LIPC: variants seen among roughly 807,000 people sequenced by gnomAD.
LIPC encodes hepatic triacylglycerol lipase.
A neutral mutation model predicts 50.7 loss-of-function variants in LIPC; 44 were observed. That is an observed-to-expected ratio of 0.87 (90% CI 0.68 to 1.11). LIPC has a LOEUF of 1.11. Among genes scored for constraint, LIPC ranks in the 50% most tolerant of loss-of-function variants. LIPC has a pLI of 0.00. For synonymous variants in LIPC, 271 were observed against 256.4 expected (o/e 1.06, Z -0.54); for missense variants, 697 against 648.2 (o/e 1.08, Z -0.82).
intron 1 of LIPC, among the ~76,000 whole-genome samples, chr15:58,450,356 G>A (rs899712926): frequency 2.0e-5 from 3 of 152,120 alleles, no homozygotes; most frequent in Non-Finnish European, 2.9e-5. Context: ...CATTTCTAAC[G>A]ATGTCCCAGG....
chr15:58,454,172 C>T (rs951196839), intron 1 of LIPC, among the ~76,000 whole-genome samples: 3 of 152,350 alleles, frequency 2.0e-5, no homozygotes, highest in East Asian at 3.9e-4. Flanking sequence ...GCCTCAGCCA[C>T]ACTTGTCTTC....
intron 1 of LIPC, among the ~76,000 whole-genome samples, chr15:58,533,616 G>C (rs866963534): frequency 1.3e-5 from 2 of 152,136 alleles, no homozygotes; most frequent in Non-Finnish European, 1.5e-5. Flanking sequence ...CTTTTTCCAA[G>C]TACGTTTTGA....
intron 8 of LIPC, chr15:58,565,179 A>G (rs17269397): frequency 0.5 from 764,925 of 1,532,158 alleles, 201,520 homozygotes; most frequent in Middle Eastern, 0.58. Flanking sequence ...CTGCCAACAG[A>G]TCTCCCAACA....
chr15:58,437,704 TGA>T (rs1893353288), intron 1 of LIPC, among the ~76,000 whole-genome samples: 2 of 152,156 alleles, frequency 1.3e-5, no homozygotes, highest in South Asian at 2.1e-4. Flanking sequence ...GTCAGATTTC[TGA>T]GAGGCCTCCA....
chr15:58,516,795 T>C (rs1892500919), intron 1 of LIPC, among the ~76,000 whole-genome samples: 1 of 152,264 alleles, frequency 6.6e-6, no homozygotes, highest in Admixed American at 6.5e-5. Flanking sequence ...TTTTACCATC[T>C]ATAACAATTC....
At chr15:58,480,124 C>G (rs1255684022) in intron 1 of LIPC, among the ~76,000 whole-genome samples, 1 of 152,170 alleles carries the variant, frequency 6.6e-6, no homozygotes, top group Non-Finnish European at 1.5e-5. Flanking sequence ...CAGTAACATT[C>G]ATCTTCTTCC....
At chr15:58,505,162 C>T (rs997677256) in intron 1 of LIPC, among the ~76,000 whole-genome samples, 3 of 152,206 alleles carry the variant, frequency 2.0e-5, no homozygotes, top group Non-Finnish European at 4.4e-5. Flanking sequence ...AGGCCAGGAC[C>T]TAAGGGGAAA....
At chr15:58,555,275 C>T (rs1376206441) in intron 6 of LIPC, among the ~76,000 whole-genome samples, 3 of 152,148 alleles carry the variant, frequency 2.0e-5, no homozygotes, top group Non-Finnish European at 2.9e-5. Flanking sequence ...ACATTTTCCC[C>T]GGCTCAGGGG....
intron 1 of LIPC, among the ~76,000 whole-genome samples, chr15:58,451,556 C>G (rs1444335153): frequency 3.9e-5 from 6 of 152,122 alleles, no homozygotes; most frequent in African/African-American, 1.4e-4. Flanking sequence ...TGATTCTGGC[C>G]AGGTGTCCAC....
In LIPC at chr15:58,489,292, CA is replaced by C. The variant is rs554135601; in HGVS notation, c.89-49040del. Among the ~76,000 whole-genome samples, 16 of 146,858 alleles carry C rather than the reference CA, an allele frequency of 1.1e-4. No individual in the cohort carries two copies. In the South Asian group the frequency reaches 3.3e-3, roughly 30 times the overall value. ...TTAAATAGCTGTTGTAATCACCCAG[CA>C]GGTTCTTCCTATTCGCTGCATAGAC... On this transcript the variant is annotated intron_variant, in intron 1 of 8. Transcript: ENST00000299022.
intron 1 of LIPC, among the ~76,000 whole-genome samples, chr15:58,471,219 C>A (rs1894784421): frequency 6.7e-6 from 1 of 149,208 alleles, no homozygotes. Context: ...TCACTGCAAC[C>A]TCTACCTCCC....
chr15:58,492,933 G>A (rs144798099), intron 1 of LIPC, among the ~76,000 whole-genome samples: 5 of 152,190 alleles, frequency 3.3e-5, no homozygotes, highest in African/African-American at 9.6e-5. Flanking sequence ...ATTTTCCCCC[G>A]TATGCCCCTA....
intron 1 of LIPC, among the ~76,000 whole-genome samples, chr15:58,465,662 G>A (rs1256382682): frequency 6.6e-6 from 1 of 152,150 alleles, no homozygotes; most frequent in Non-Finnish European, 1.5e-5. Flanking sequence ...ACTTGGGTTA[G>A]GCATTCACAG....
chr15:58,474,390 A>AC (rs1890911275), intron 1 of LIPC, among the ~76,000 whole-genome samples: 1 of 151,840 alleles, frequency 6.6e-6, no homozygotes, highest in South Asian at 2.1e-4. Context: ...TGATGGTCCC[A>AC]CCTGTGGTCC....
intron 1 of LIPC, among the ~76,000 whole-genome samples, chr15:58,460,884 A>G (rs1894322596): frequency 6.6e-6 from 1 of 152,190 alleles, no homozygotes; most frequent in Admixed American, 6.5e-5. Context: ...CTCATCTGCA[A>G]GAGGACAATG....
At position 58,439,720 on chromosome 15, in the gene LIPC, G is replaced by C. The variant is rs564166734; in HGVS notation, c.88+7600G>C. Among the ~76,000 whole-genome samples the C allele has an allele frequency of 1.1e-3, 170 of 152,338 alleles. 1 individual carries two copies. The highest frequency in any genetic ancestry group is 2.1e-3 in the Non-Finnish European group (140 of 68,042). On this transcript the variant is annotated intron_variant, in intron 1 of 8. Coordinates refer to ENST00000299022, the MANE Select transcript of LIPC (RefSeq NM_000236.3). ...GCCTCCCAAAGTGCTGGGATTACAG[G>C]CGTGAGCCACCGCCCCCGGCCAGGG...
chr15:58,564,837 C>G (rs1309323856), intron 8 of LIPC, among the ~76,000 whole-genome samples: 3 of 152,196 alleles, frequency 2.0e-5, no homozygotes, highest in African/African-American at 7.2e-5. Flanking sequence ...AGCAACCGTG[C>G]TTTTCGGTCA....
rs750784593 is a variant in LIPC, at chr15:58,563,696, G to T, written c.1361G>T (p.Arg454Ile). 3 of 1,613,388 alleles carry T rather than the reference G, an allele frequency of 1.9e-6. No homozygotes were observed. In the African/African-American group the frequency reaches 4.0e-5, roughly 22 times the overall value. ...TCAGGCCTCGTTCTGAAGACGATCA[G>T]AGTCAAAGCAGGAGAAACCCAGCAA... is the stretch of plus-strand genomic sequence containing the variant. The part of the protein sequence containing the change: ...RHSGLVLKTI[R>I]VKAGETQQRM... The change falls in exon 8 of 9, where the codon AGA becomes ATA. Residue 454 changes from arginine to isoleucine, a missense_variant. Transcript: ENST00000299022.
At chr15:58,519,549 T>C (rs1892590828) in intron 1 of LIPC, among the ~76,000 whole-genome samples, 1 of 152,206 alleles carries the variant, frequency 6.6e-6, no homozygotes, top group Non-Finnish European at 1.5e-5. Flanking sequence ...TATATGTAAG[T>C]CCTCCCACCC....
Sources: allele counts gnomAD v4.1 joint callset (sites outside exome capture counted in the v4.1 genomes callset), GRCh38; gene constraint gnomAD v4.1.1; transcripts MANE v1.5; gene names NCBI Gene and HGNC (gene_info 2026-07-23, HGNC 2026-07-21).